SFPQ: variants seen among roughly 807,000 people sequenced by gnomAD.
SFPQ encodes the protein splicing factor, proline- and glutamine-rich.
SFPQ carries 11 observed loss-of-function variants against 72.9 expected under a neutral mutation model. That is an observed-to-expected ratio of 0.15 (90% CI 0.09 to 0.25). The LOEUF is 0.25. Ranked by LOEUF, SFPQ falls within the 10% of genes least tolerant of loss-of-function variation. SFPQ has a pLI of 1.00. For missense variants in SFPQ, 847 were observed against 993.3 expected, an observed-to-expected ratio of 0.85 and a Z score of 1.98; for synonymous variants, 506 against 367.3, an observed-to-expected ratio of 1.38 and a Z score of -4.32.
chr1:35,191,896 C>A (rs889043334), intron 1 of SFPQ, among the ~76,000 whole-genome samples: 1 of 152,260 alleles, frequency 6.6e-6, no homozygotes, highest in Non-Finnish European at 1.5e-5. Flanking sequence ...TATGGAACTT[C>A]CCGGTTCTCT....
At chr1:35,180,779 A>T, downstream of SFPQ, 1 of 1,062,276 alleles carries the variant, frequency 9.4e-7, no homozygotes, top group Non-Finnish European at 1.1e-6. Context: ...GGTCCATGTC[A>T]AGGTGCTAAA....
intron 1 of SFPQ, 123 bp downstream of exon 1, chr1:35,192,099 A>C (rs1056224148): frequency 3.9e-6 from 3 of 765,588 alleles, no homozygotes; most frequent in African/African-American, 1.8e-5. Context: ...CCGCCCCCGC[A>C]GCGGCGCGCG....
chr1:35,179,298 CTT>C, downstream of SFPQ: 1 of 1,059,310 alleles, frequency 9.4e-7, no homozygotes, highest in Non-Finnish European at 1.1e-6. Flanking sequence ...ACACGCATCT[CTT>C]TATTGGGGAA....
intron 2 of SFPQ, 85 bp from the exon 3 acceptor site, chr1:35,191,080 C>T (rs1639971954): frequency 1.6e-6 from 2 of 1,216,594 alleles, no homozygotes; most frequent in Admixed American, 2.3e-5. Flanking sequence ...TTCCTACTCC[C>T]TTTCTTCCTT....
In SFPQ at chr1:35,183,871, A is replaced by T; in HGVS notation, c.*585T>A. 2 of 1,053,996 alleles carry T rather than the reference A, an allele frequency of 1.9e-6. No homozygotes were observed. Among genetic ancestry groups the T allele is most frequent in the Non-Finnish European group, 2.3e-6 (2 of 872,064 alleles). The allele number at this position is 1,053,996 out of a possible 1,614,324, so 65.3% of individuals were successfully genotyped here. A position where few individuals can be genotyped will look rare whatever the true frequency, so the allele number is the denominator to read the frequency against. On this transcript the variant is annotated 3_prime_UTR_variant, in exon 10 of 10. Coordinates refer to ENST00000357214, the MANE Select transcript of SFPQ (RefSeq NM_005066.3). The stretch of plus-strand genomic sequence containing the variant: ...TTTACAGTTCAGCTTTGCTTACATA[A>T]CCATTTAAAAAATACTTAGCACCAG...
At chr1:35,181,024 A>C, downstream of SFPQ, 2 of 1,065,060 alleles carry the variant, frequency 1.9e-6, no homozygotes. Flanking sequence ...TTTACCATAC[A>C]AGTGTTAGGT....
intron 9 of SFPQ, among the ~76,000 whole-genome samples, chr1:35,185,333 A>G (rs949896839): frequency 5.9e-5 from 9 of 152,210 alleles, no homozygotes; most frequent in Non-Finnish European, 1.3e-4. Flanking sequence ...CTAAATGAAC[A>G]AACCCCACCC....
chr1:35,179,446 AC>A (rs1049300099), downstream of SFPQ: 6 of 1,056,164 alleles, frequency 5.7e-6, no homozygotes, highest in Non-Finnish European at 6.9e-6. Context: ...CTGGCATCAC[AC>A]CTCTGAACCC....
At chr1:35,178,884 CAA>C (rs200118997), downstream of SFPQ, 26,153 of 947,936 alleles carry the variant, frequency 0.028, 635 homozygotes, top group East Asian at 0.37. Context: ...TTTTCACTCT[CAA>C]AAAAAAAAAA....
Position 35,192,230 on chromosome 1 carries a change from C to T in SFPQ, c.820G>A (p.Asp274Asn). 6.8e-7 allele frequency: 1 copy of T among 1,459,934 alleles called. No individual in the cohort carries two copies. The highest frequency in any genetic ancestry group is 9.0e-7 in the Non-Finnish European group (1 of 1,113,612). The allele number at this position is 1,459,934 out of a possible 1,614,324, so 90.4% of individuals were successfully genotyped here. The change falls in exon 1 of 10, where the codon GAC becomes AAC. Residue 274 changes from aspartate to asparagine, a missense_variant. By Grantham distance (23) the Asp-to-Asn change is conservative. This residue lies in a region of SFPQ where 498 missense variants were observed against 405.1 expected (regional missense o/e 1.23). Coordinates refer to ENST00000357214, the MANE Select transcript of SFPQ (RefSeq NM_005066.3). ...CTCCCATAGACACTCACCTCCGAGT[C>T]CGAGATCTTCTCCTCGCTGCGGCCG... ...PGGRSEEKISDSEGFKANLSL... is the reference protein window; with the variant it reads ...PGGRSEEKISNSEGFKANLSL...
chr1:35,181,858 A>T, downstream of SFPQ: 6 of 985,134 alleles, frequency 6.1e-6, no homozygotes, highest in Non-Finnish European at 7.2e-6. Context: ...TTGAAAGTCT[A>T]TTTGAGTAAG....
rs988946549 is a variant in SFPQ at position 35,182,956 on chromosome 1, TGGGA to T, written c.*1496_*1499del. The stretch of plus-strand genomic sequence containing the variant: ...ATGGAAACATTCCAAGCCTTTATGG[TGGGA>T]GGAAGGGATATTTGTACTGTGTAGC... On this transcript the variant is annotated 3_prime_UTR_variant, in exon 10 of 10. Transcript: ENST00000357214. The T allele has an allele frequency of 3.7e-5, 39 of 1,043,464 alleles. No homozygotes were observed. The African/African-American group carries it at 5.7e-4, about 15-fold the overall frequency. 64.6% of individuals were successfully genotyped at this position (1,043,464 alleles called of 1,614,324 possible).
At chr1:35,182,493 T>A (rs1639511628), downstream of SFPQ, 1 of 985,320 alleles carries the variant, frequency 1.0e-6, no homozygotes, top group African/African-American at 1.7e-5. Flanking sequence ...CAACCAGTAT[T>A]TGGTGAGATG....
chr1:35,179,614 C>T (rs917242842), downstream of SFPQ: 22 of 1,054,306 alleles, frequency 2.1e-5, no homozygotes, highest in African/African-American at 3.1e-4. Flanking sequence ...TTCATTGCTA[C>T]ATACAAATTA....
chr1:35,191,253 G>C, intron 2 of SFPQ, 88 bp downstream of exon 2: 1 of 1,131,804 alleles, frequency 8.8e-7, no homozygotes, highest in Non-Finnish European at 1.3e-6. Flanking sequence ...ATCCTCCCCA[G>C]TTTAAAAACC....
chr1:35,187,981 T>G lies in SFPQ; in HGVS notation c.1807A>C (p.Met603Leu). 1 of 1,611,320 alleles carries G rather than the reference T, an allele frequency of 6.2e-7. No homozygotes were observed. Among genetic ancestry groups the G allele is most frequent in the Non-Finnish European group, 8.5e-7 (1 of 1,177,402 alleles). Residue 603 changes from methionine to leucine, a missense_variant, in exon 7 of 10, where the codon ATG (methionine) becomes CTG (leucine). Around this residue, in one of 6 missense-constraint regions of SFPQ, gnomAD observed 154 missense variants for 186.0 expected, o/e 0.83. Coordinates refer to ENST00000357214, the MANE Select transcript of SFPQ (RefSeq NM_005066.3). ...AGTAAAGGCTGACTTACTGGATCCA[T>G]GTAGCCCATTCGGCTGTAACTTTCC... Reference protein sequence around the residue: ...REESYSRMGYMDPRERDMRMG... With the variant: ...REESYSRMGYLDPRERDMRMG...
In SFPQ at chr1:35,184,559, G is replaced by T. The variant is rs747783961; in HGVS notation, c.2021C>A (p.Pro674His). The change falls in exon 10 of 10, where the codon CCT becomes CAT. Residue 674 changes from proline to histidine, a missense_variant. Pro to His is a moderately conservative substitution (Grantham distance 77, BLOSUM62 -2). Around this residue, in one of 6 missense-constraint regions of SFPQ, gnomAD observed 154 missense variants for 186.0 expected, o/e 0.83. Coordinates refer to ENST00000357214, the MANE Select transcript of SFPQ (RefSeq NM_005066.3). ...TERFGQGGAG[P>H]VGGQGPRGMG... ...TCCTCTAGGACCCTGTCCACCCACA[G>T]GCCCCGCACCTCCCTGCCCAAAGCG... 6 of 1,610,316 alleles carry T rather than the reference G, an allele frequency of 3.7e-6. No individual in the cohort carries two copies. The highest frequency in any genetic ancestry group is 5.1e-6 in the Non-Finnish European group (6 of 1,178,718).
In SFPQ at chr1:35,192,415, A is replaced by C; in HGVS notation, c.635T>G (p.Met212Arg). ...PGPGGPKGGK[M>R]PGGPKPGGGP... ...GCCACCTGGCTTCGGCCCGCCAGGC[A>C]TTTTGCCGCCTTTGGGACCACCCGG... Residue 212 changes from methionine (M) to arginine (R), a missense_variant, in exon 1 of 10, where the codon ATG becomes AGG. Physicochemically the swap from Met to Arg is moderately conservative, Grantham distance 91. Around this residue, in one of 6 missense-constraint regions of SFPQ, gnomAD observed 498 missense variants for 405.1 expected, o/e 1.23. Coordinates refer to ENST00000357214, the MANE Select transcript of SFPQ (RefSeq NM_005066.3). 1.4e-6 allele frequency: 2 copies of C among 1,426,106 alleles called. No individual in the cohort carries two copies. Among genetic ancestry groups the C allele is most frequent in the Non-Finnish European group, 1.8e-6 (2 of 1,097,768 alleles). The allele number at this position is 1,426,106 out of a possible 1,614,324, so 88.3% of individuals were successfully genotyped here. A position where few individuals can be genotyped will look rare whatever the true frequency, so the allele number is the denominator to read the frequency against.
chr1:35,178,967 G>A, downstream of SFPQ: 2 of 1,054,450 alleles, frequency 1.9e-6, no homozygotes, highest in Non-Finnish European at 2.3e-6. Flanking sequence ...AGCAACTGTT[G>A]AGATTTCCAG....
Sources: allele counts gnomAD v4.1 joint callset (sites outside exome capture counted in the v4.1 genomes callset), GRCh38; gene constraint gnomAD v4.1.1; regional missense constraint gnomAD v4.1.1; transcripts MANE v1.5; gene names NCBI Gene and HGNC (gene_info 2026-07-23, HGNC 2026-07-21).